Variants in GRIN2B observed in about 807,000 individuals in gnomAD.
The protein encoded by GRIN2B is glutamate receptor ionotropic, NMDA 2B.
A neutral mutation model predicts 114.5 loss-of-function variants in GRIN2B; 5 were observed. That is an observed-to-expected ratio of 0.04 (90% CI 0.02 to 0.09). GRIN2B has a LOEUF of 0.09. Among genes scored for constraint, GRIN2B ranks in the 10% least tolerant of loss-of-function variants. GRIN2B has a pLI of 1.00. For synonymous variants in GRIN2B, 787 were observed against 745.1 expected (o/e 1.06, Z -0.92); for missense variants, 1,108 against 1,943.5 (o/e 0.57, Z 8.08).
intron 4 of GRIN2B, among the ~76,000 whole-genome samples, chr12:13,690,318 TGCACAC>T (rs147461842): frequency 1.1e-3 from 117 of 109,122 alleles, no homozygotes; most frequent in Middle Eastern, 5.0e-3. Context: ...CACACACACA[TGCACAC>T]GCACAATCTA....
chr12:13,842,985 GTGTTT>G (rs1474338526), intron 3 of GRIN2B, among the ~76,000 whole-genome samples: 1 of 122,572 alleles, frequency 8.2e-6, no homozygotes, highest in Non-Finnish European at 1.7e-5. Context: ...ATTTTTTGCG[GTGTTT>G]TGTTTTTTTT....
chr12:13,961,718 G>C (rs1867695072), intron 2 of GRIN2B, among the ~76,000 whole-genome samples: 1 of 152,104 alleles, frequency 6.6e-6, no homozygotes, highest in Admixed American at 6.5e-5. Context: ...TAAAATTAGA[G>C]GGTTGAGAGC....
At chr12:13,778,909 A>G (rs1312906930) in intron 3 of GRIN2B, among the ~76,000 whole-genome samples, 1 of 85,888 alleles carries the variant, frequency 1.2e-5, no homozygotes, top group Non-Finnish European at 2.2e-5. Context: ...GAATTTCTTT[A>G]ATTGAGAAAT....
intron 2 of GRIN2B, among the ~76,000 whole-genome samples, chr12:13,894,045 T>C (rs1425693448): frequency 6.6e-6 from 1 of 152,086 alleles, no homozygotes; most frequent in Admixed American, 6.6e-5. Context: ...TACCAAATCA[T>C]AAAGATTTTT....
chr12:13,566,810 C>T (rs139660047), intron 13 of GRIN2B, among the ~76,000 whole-genome samples: 3 of 152,346 alleles, frequency 2.0e-5, no homozygotes, highest in Non-Finnish European at 4.4e-5. Context: ...AAATCCCACA[C>T]AGAAAGCTGT....
intron 10 of GRIN2B, 70 bp downstream of exon 10, chr12:13,608,533 C>CATGA: frequency 9.0e-7 from 1 of 1,105,838 alleles, no homozygotes; most frequent in Non-Finnish European, 1.4e-6. Context: ...CAAGCAGGTA[C>CATGA]ATGAGAACTT....
At chr12:13,597,518 T>C (rs1440410500) in intron 10 of GRIN2B, among the ~76,000 whole-genome samples, 1 of 152,192 alleles carries the variant, frequency 6.6e-6, no homozygotes, top group Non-Finnish European at 1.5e-5. Context: ...TTTATCTGCA[T>C]AGGGCACCAA....
At chr12:13,669,088 A>T (rs553470007) in intron 5 of GRIN2B, among the ~76,000 whole-genome samples, 1 of 151,932 alleles carries the variant, frequency 6.6e-6, no homozygotes, top group Non-Finnish European at 1.5e-5. Context: ...GGGACTGTAC[A>T]TTACAGAGAG....
At chr12:13,793,635 TC>T (rs1482721653) in intron 3 of GRIN2B, among the ~76,000 whole-genome samples, 1 of 152,170 alleles carries the variant, frequency 6.6e-6, no homozygotes, top group Admixed American at 6.5e-5. Flanking sequence ...CCTCATCAGT[TC>T]CCAAGGGGCT....
intron 3 of GRIN2B, among the ~76,000 whole-genome samples, chr12:13,759,592 G>T (rs1361523978): frequency 1.3e-5 from 2 of 152,102 alleles, no homozygotes; most frequent in Non-Finnish European, 2.9e-5. Context: ...TCTTGTAAAA[G>T]GCAGGTGACT....
chr12:13,886,680 A>G lies in GRIN2B; in HGVS notation c.-18-20454T>C, dbSNP rs1866163842. ...CTGCCTGGTTCCTGCAGCCTGCCCA[A>G]TACTCACCCACCACCCTCCCCAGTT... On this transcript the variant is annotated intron_variant, in intron 2 of 13. Transcript: ENST00000609686. Among the ~76,000 whole-genome samples the G allele has an allele frequency of 2.6e-5, 4 of 152,194 alleles. No individual in the cohort carries two copies. The South Asian group carries it at 6.2e-4, about 24-fold the overall frequency.
chr12:13,929,608 T>C (rs941366082), intron 2 of GRIN2B, among the ~76,000 whole-genome samples: 1 of 152,220 alleles, frequency 6.6e-6, no homozygotes, highest in African/African-American at 2.4e-5. Context: ...GAGTGTCTAA[T>C]GGAGCATCCA....
chr12:13,646,209 A>G (rs1949760497), intron 5 of GRIN2B, among the ~76,000 whole-genome samples: 3 of 152,142 alleles, frequency 2.0e-5, no homozygotes, highest in Admixed American at 2.0e-4. Context: ...ATTTCTAATG[A>G]CAAGCTTTGG....
chr12:13,788,919 CA>C, intron 3 of GRIN2B, among the ~76,000 whole-genome samples: 1 of 152,280 alleles, frequency 6.6e-6, no homozygotes, highest in Non-Finnish European at 1.5e-5. Context: ...GCAAGTGGAA[CA>C]TGAAACTGGC....
chr12:13,679,866 C>T (rs571009882), intron 4 of GRIN2B, among the ~76,000 whole-genome samples: 1 of 152,216 alleles, frequency 6.6e-6, no homozygotes, highest in South Asian at 2.1e-4. Flanking sequence ...AAAATGGAGA[C>T]ATCATTTTAC....
At chr12:13,833,287 G>A (rs1865187030) in intron 3 of GRIN2B, among the ~76,000 whole-genome samples, 1 of 152,150 alleles carries the variant, frequency 6.6e-6, no homozygotes, top group African/African-American at 2.4e-5. Context: ...TCAGAGGTAG[G>A]TACTCAAACA....
At chr12:13,766,243 A>G (rs571029925) in intron 3 of GRIN2B, among the ~76,000 whole-genome samples, 2 of 152,348 alleles carry the variant, frequency 1.3e-5, no homozygotes, top group East Asian at 3.9e-4. Flanking sequence ...GGAAGATAAA[A>G]ATATATGAAA....
At chr12:13,826,707 C>T (rs1340719171) in intron 3 of GRIN2B, among the ~76,000 whole-genome samples, 1 of 151,966 alleles carries the variant, frequency 6.6e-6, no homozygotes, top group Non-Finnish European at 1.5e-5. Flanking sequence ...ATAAACCCCA[C>T]TATACACTGT....
chr12:13,924,025 A>T (rs766576226), intron 2 of GRIN2B, among the ~76,000 whole-genome samples: 25 of 152,150 alleles, frequency 1.6e-4, no homozygotes, highest in Non-Finnish European at 3.1e-4. Context: ...GAGAATGAAG[A>T]TTCATTTCTT....
Sources: gnomAD v4.1 joint callset for allele counts (sites outside exome capture counted in the v4.1 genomes callset) on GRCh38, gnomAD v4.1.1 for gene constraint, MANE v1.5 for transcripts, NCBI Gene and HGNC (gene_info 2026-07-23, HGNC 2026-07-21) for gene names.